ATP8B1: variants seen among roughly 807,000 people sequenced by gnomAD.
ATP8B1 encodes the protein phospholipid-transporting ATPase IC.
ATP8B1 carries 80 observed loss-of-function variants against 149.9 expected under a neutral mutation model. That is an observed-to-expected ratio of 0.53 (90% CI 0.45 to 0.64). The LOEUF is 0.64. ATP8B1 is among the 30% of genes least tolerant of loss of function. ATP8B1 has a pLI of 0.00. For missense variants in ATP8B1, 1,247 were observed against 1,552.6 expected, an observed-to-expected ratio of 0.80 and a Z score of 3.31; for synonymous variants, 536 against 562.8, an observed-to-expected ratio of 0.95 and a Z score of 0.67.
intron 2 of ATP8B1, among the ~76,000 whole-genome samples, chr18:57,707,667 C>T (rs942251624): frequency 6.6e-5 from 10 of 151,652 alleles, no homozygotes; most frequent in Non-Finnish European, 1.5e-4. Flanking sequence ...TGCCACCACA[C>T]CCGGCTAATT....
intron 2 of ATP8B1, among the ~76,000 whole-genome samples, chr18:57,706,995 G>A (rs2122976869): frequency 6.6e-6 from 1 of 152,332 alleles, no homozygotes; most frequent in African/African-American, 2.4e-5. Context: ...AGGCAAGCAT[G>A]CTATAAATCA....
At chr18:57,704,386 T>C (rs1387197382) in intron 4 of ATP8B1, among the ~76,000 whole-genome samples, 169 bp downstream of exon 4, 1 of 152,250 alleles carries the variant, frequency 6.6e-6, no homozygotes, top group Non-Finnish European at 1.5e-5. Flanking sequence ...TCCCTGTTCA[T>C]ATAACACTGA....
intron 15 of ATP8B1, among the ~76,000 whole-genome samples, chr18:57,678,369 C>T (rs1911724008): frequency 6.6e-6 from 1 of 151,900 alleles, no homozygotes; most frequent in Non-Finnish European, 1.5e-5. Context: ...GGGTGGATCA[C>T]AAGGTCAGGA....
chr18:57,701,987 C>T (rs1343051888), intron 4 of ATP8B1, among the ~76,000 whole-genome samples: 3 of 152,104 alleles, frequency 2.0e-5, no homozygotes, highest in South Asian at 4.1e-4. Context: ...TGTGAGCCAC[C>T]GTGCCTGGCC....
chr18:57,680,277 CAAAAAAAAAAAAAA>C (rs71171066), intron 15 of ATP8B1, among the ~76,000 whole-genome samples: 5 of 40,476 alleles, frequency 1.2e-4, no homozygotes, highest in African/African-American at 2.0e-4. Context: ...GACTCAGTCT[CAAAAAAAAAAAAAA>C]AAAAAAAAAA....
rs543907051 is a variant in ATP8B1, at chr18:57,692,098, A to C, written c.1030-101T>G. 5.3e-6 allele frequency: 8 copies of C among 1,505,184 alleles called. No homozygotes were observed. In the South Asian group the frequency reaches 9.0e-5, roughly 17 times the overall value. 93.2% of individuals were successfully genotyped at this position (1,505,184 alleles called of 1,614,324 possible). Reference sequence around the variant, plus strand: ...CCTTACTCAATACTTCATATGATTGAGAATTTAGTAGTCTGAAAAATAATA... The same window carrying C: ...CCTTACTCAATACTTCATATGATTGCGAATTTAGTAGTCTGAAAAATAATA... On this transcript the variant is annotated intron_variant, in intron 11 of 27. Coordinates refer to ENST00000648908, the MANE Select transcript of ATP8B1 (RefSeq NM_001374385.1).
At chr18:57,772,626 A>G (rs1269998243) in intron 1 of ATP8B1, among the ~76,000 whole-genome samples, 4 of 151,338 alleles carry the variant, frequency 2.6e-5, no homozygotes, top group South Asian at 2.1e-4. Flanking sequence ...TGAGTAAACA[A>G]CACGTCCCGA....
At position 57,727,231 on chromosome 18, in the gene ATP8B1, G is replaced by A. The variant is rs899419836; in HGVS notation, c.181+4396C>T. On this transcript the variant is annotated intron_variant, in intron 2 of 27. Transcript: ENST00000648908. ...ATTACTCTGGTGTTTTTAGGCTGTG[G>A]AGGTGGATGGTAATTTACAACCGAT... Among the ~76,000 whole-genome samples, 3 of 152,270 alleles carry A rather than the reference G, an allele frequency of 2.0e-5. 1 individual carries two copies. Among genetic ancestry groups the A allele is most frequent in the Middle Eastern group, 6.8e-3 (2 of 294 alleles).
chr18:57,790,961 A>G (rs572550846), intron 1 of ATP8B1, among the ~76,000 whole-genome samples: 13 of 152,222 alleles, frequency 8.5e-5, no homozygotes, highest in South Asian at 2.1e-4. Flanking sequence ...ACCTTAGGCA[A>G]TTTGTCCATC....
intron 1 of ATP8B1, among the ~76,000 whole-genome samples, chr18:57,777,770 G>A (rs115548894): frequency 0.016 from 2,508 of 152,170 alleles, 79 homozygotes; most frequent in African/African-American, 0.059. Flanking sequence ...GGGTTTTGCC[G>A]TGTTGGCCAA....
chr18:57,719,452 C>G (rs1028508785), intron 2 of ATP8B1, among the ~76,000 whole-genome samples: 1 of 152,180 alleles, frequency 6.6e-6, no homozygotes, highest in Non-Finnish European at 1.5e-5. Context: ...ACCTGGGAAG[C>G]GCAAGGGGTC....
At position 57,662,391 on chromosome 18, in the gene ATP8B1, G is replaced by A. The variant is rs1910518252; in HGVS notation, c.2418+92C>T. 2.0e-6 allele frequency: 3 copies of A among 1,504,712 alleles called. No individual in the cohort carries two copies. In the South Asian group the frequency reaches 3.4e-5, roughly 17 times the overall value. The allele number at this position is 1,504,712 out of a possible 1,614,324, so 93.2% of individuals were successfully genotyped here. A position where few individuals can be genotyped will look rare whatever the true frequency, so the allele number is the denominator to read the frequency against. On this transcript the variant is annotated intron_variant, in intron 21 of 27. Coordinates refer to ENST00000648908, the MANE Select transcript of ATP8B1 (RefSeq NM_001374385.1). ...CATGTATAGGCTAAGAGACTTTTAGGTTGGCAGTTAACATGTGAAAGCATC... is the reference window on the plus strand; with the variant it reads ...CATGTATAGGCTAAGAGACTTTTAGATTGGCAGTTAACATGTGAAAGCATC...
chr18:57,747,569 G>A (rs1337476582), intron 1 of ATP8B1, among the ~76,000 whole-genome samples: 1 of 152,152 alleles, frequency 6.6e-6, no homozygotes, highest in East Asian at 1.9e-4. Flanking sequence ...TTCCCACATG[G>A]CTCCTTTTCA....
At chr18:57,671,374 C>G in intron 17 of ATP8B1, 94 bp downstream of exon 17, 2 of 1,080,696 alleles carry the variant, frequency 1.9e-6, no homozygotes, top group South Asian at 2.5e-5. Context: ...AAGGGAGGGT[C>G]AGCAGTTAAC....
At chr18:57,765,741 C>G (rs916209002) in intron 1 of ATP8B1, among the ~76,000 whole-genome samples, 1 of 151,278 alleles carries the variant, frequency 6.6e-6, no homozygotes, top group Non-Finnish European at 1.5e-5. Flanking sequence ...CTTTGGGAAG[C>G]TGACTGGATC....
Position 57,688,411 on chromosome 18 carries a change from G to C in ATP8B1, c.1317C>G (p.Thr439=). The change falls in exon 13 of 28, where the codon ACC becomes ACG. Residue 439 remains threonine, a synonymous_variant. Transcript: ENST00000648908. ...TCTGCCCGAGCTGTTCATTGAGTGT[G>C]GTGGTTCTAGCTTTTGCGGGTGTGT... The part of the protein sequence containing the change: ...EKDTPAKART[T]TLNEQLGQIH... 6.2e-7 allele frequency: 1 copy of C among 1,614,190 alleles called. No individual in the cohort carries two copies. Among genetic ancestry groups the C allele is most frequent in the Non-Finnish European group, 8.5e-7 (1 of 1,180,020 alleles).
intron 13 of ATP8B1, among the ~76,000 whole-genome samples, chr18:57,687,300 T>C (rs568741022): frequency 6.6e-6 from 1 of 152,338 alleles, no homozygotes; most frequent in South Asian, 2.1e-4. Context: ...ATAAATCTGA[T>C]TATTCTAAGT....
chr18:57,696,245 A>G (rs1281568809), intron 8 of ATP8B1, among the ~76,000 whole-genome samples: 2 of 152,212 alleles, frequency 1.3e-5, no homozygotes, highest in African/African-American at 4.8e-5. Context: ...CATGGAAATA[A>G]TAGCAGTTTT....
At chr18:57,764,443 G>C (rs1211249185) in intron 1 of ATP8B1, among the ~76,000 whole-genome samples, 1 of 119,098 alleles carries the variant, frequency 8.4e-6, no homozygotes, top group East Asian at 2.3e-4. Context: ...CTTTCATACC[G>C]AGTCTTGCTC....
Sources: allele counts gnomAD v4.1 joint callset (sites outside exome capture counted in the v4.1 genomes callset), GRCh38; gene constraint gnomAD v4.1.1; transcripts MANE v1.5; gene names NCBI Gene and HGNC (gene_info 2026-07-23, HGNC 2026-07-21).